The following TLR6 variants were observed in gnomAD, a reference collection of about 807,000 sequenced individuals.
TLR6 encodes toll like receptor 6.
A neutral mutation model predicts 16.1 loss-of-function variants in TLR6; 9 were observed. The observed-to-expected ratio is 0.56, with a 90% CI of 0.34 to 0.98. The LOEUF (loss-of-function observed/expected upper bound fraction) is 0.98, where lower values mean the gene tolerates loss of function less well. Among genes scored for constraint, TLR6 ranks in the 50% least tolerant of loss-of-function variants. The pLI, the probability that TLR6 is intolerant of heterozygous loss-of-function variation, is 0.02. For missense variants in TLR6, 786 were observed against 921.0 expected (o/e 0.85, Z 1.90); for synonymous variants, 340 against 338.6 (o/e 1.00, Z -0.04).
At chr4:38,838,040 C>T (rs539040721) in intron 1 of TLR6, among the ~76,000 whole-genome samples, 21 of 152,178 alleles carry the variant, frequency 1.4e-4, no homozygotes, top group Non-Finnish European at 2.2e-4. Flanking sequence ...AAAACCACAA[C>T]GAGATATCAT....
At chr4:38,848,840 G>A (rs1244544349) in intron 1 of TLR6, among the ~76,000 whole-genome samples, 1 of 152,228 alleles carries the variant, frequency 6.6e-6, no homozygotes. Flanking sequence ...ATGGAACCAT[G>A]TTGGAAAACA....
At chr4:38,827,023 G>T in exon 2 of TLR6, 1 of 1,307,324 alleles carries the variant, frequency 7.6e-7, no homozygotes, top group Non-Finnish European at 1.0e-6. Flanking sequence ...ACTTACGACT[G>T]TACTATTCAC....
Position 38,827,980 on chromosome 4 carries a change from A to C in TLR6, c.1494T>G (p.Ser498=), listed in dbSNP as rs376934355. 7.0e-5 allele frequency: 113 copies of C among 1,614,184 alleles called. No homozygotes were observed. The African/African-American group carries it at 1.4e-3, about 20-fold the overall frequency. ...CTGAATTGTGATCAATGATCAATAC[A>C]GAAAGGCTGCTAAAGCTGCCACATC... The change falls in exon 2 of 2, where the codon TCT becomes TCG. Residue 498 remains serine (S), a synonymous_variant. Transcript: ENST00000436693.
chr4:38,827,767 T>G, exon 2 of TLR6: 1 of 1,614,210 alleles, frequency 6.2e-7, no homozygotes, highest in Non-Finnish European at 8.5e-7. Flanking sequence ...TTAGTGGGCT[T>G]CCTCTATAAC....
At chr4:38,854,935 C>T (rs920457129) in intron 1 of TLR6, among the ~76,000 whole-genome samples, 4 of 152,136 alleles carry the variant, frequency 2.6e-5, no homozygotes, top group East Asian at 1.9e-4. Context: ...TATGGCCGGG[C>T]GCAGTGGCTC....
At chr4:38,835,847 A>G (rs1240134400) in intron 1 of TLR6, among the ~76,000 whole-genome samples, 1 of 152,244 alleles carries the variant, frequency 6.6e-6, no homozygotes, top group Non-Finnish European at 1.5e-5. Flanking sequence ...ATACATGGAA[A>G]TTAAACAACA....
At chr4:38,861,757 T>C (rs546005085), upstream of TLR6, among the ~76,000 whole-genome samples, 4 of 152,264 alleles carry the variant, frequency 2.6e-5, no homozygotes, top group South Asian at 8.3e-4. Flanking sequence ...TCCTCTTGTC[T>C]CTTTCACTTC....
At chr4:38,838,443 A>G (rs938621919) in intron 1 of TLR6, among the ~76,000 whole-genome samples, 3 of 152,228 alleles carry the variant, frequency 2.0e-5, no homozygotes, top group African/African-American at 7.2e-5. Flanking sequence ...TGTCATTTGC[A>G]GCAATATGGA....
chr4:38,853,957 A>G (rs1271476967), intron 1 of TLR6, among the ~76,000 whole-genome samples: 5 of 152,250 alleles, frequency 3.3e-5, no homozygotes, highest in Non-Finnish European at 7.3e-5. Context: ...ACCAAAGTAA[A>G]TATGTACCTA....
intron 1 of TLR6, among the ~76,000 whole-genome samples, chr4:38,853,173 T>C (rs1368441006): frequency 7.5e-6 from 1 of 133,184 alleles, no homozygotes; most frequent in Non-Finnish European, 1.5e-5. Context: ...AGGTGGGAAA[T>C]GAACAATGAG....
At chr4:38,829,310 T>G (rs752099908) in exon 2 of TLR6, 1 of 1,614,172 alleles carries the variant, frequency 6.2e-7, no homozygotes, top group Non-Finnish European at 8.5e-7. Context: ...ATCTAAGACT[T>G]TGGTTTTCAG....
upstream of TLR6, among the ~76,000 whole-genome samples, chr4:38,860,300 T>G (rs1713167369): frequency 6.6e-6 from 1 of 151,964 alleles, no homozygotes. Context: ...GGTGAAACCC[T>G]GTCTCTACTA....
At chr4:38,830,904 A>C (rs1011783967) in intron 1 of TLR6, among the ~76,000 whole-genome samples, 1 of 152,220 alleles carries the variant, frequency 6.6e-6, no homozygotes, top group Non-Finnish European at 1.5e-5. Context: ...CAAACCTTGC[A>C]AAAAGCAAAT....
chr4:38,859,065 C>T (rs1417648934), upstream of TLR6, among the ~76,000 whole-genome samples: 1 of 152,176 alleles, frequency 6.6e-6, no homozygotes, highest in East Asian at 1.9e-4. Context: ...ACTGTCACGT[C>T]ATCTCCACTT....
At chr4:38,827,451 C>T in exon 2 of TLR6, 1 of 1,614,228 alleles carries the variant, frequency 6.2e-7, no homozygotes, top group Non-Finnish European at 8.5e-7. Flanking sequence ...AAGTTTCTCT[C>T]ATGAAGACAA....
the TLR6 span, chr4:38,868,040 C>A: frequency 2.3e-6 from 1 of 426,002 alleles, no homozygotes; most frequent in Non-Finnish European, 4.8e-6. Flanking sequence ...GAGGGACCTG[C>A]GTGGGTGCGG....
chr4:38,843,831 A>C (rs1436180447), intron 1 of TLR6: 1 of 152,266 alleles, frequency 6.6e-6, no homozygotes, highest in African/African-American at 2.4e-5. Context: ...GGCAGGATCC[A>C]GGAGCATCTT....
the TLR6 span, among the ~76,000 whole-genome samples, chr4:38,866,799 T>A: frequency 6.6e-6 from 1 of 152,060 alleles, no homozygotes; most frequent in African/African-American, 2.4e-5. Context: ...TATGGTAGGA[T>A]CCACACACTA....
chr4:38,865,496 C>T, the TLR6 span, among the ~76,000 whole-genome samples: 1 of 152,128 alleles, frequency 6.6e-6, no homozygotes, highest in Non-Finnish European at 1.5e-5. Flanking sequence ...AAAAAGAGAA[C>T]ATCTGATTGG....
Sources: allele counts gnomAD v4.1 joint callset (sites outside exome capture counted in the v4.1 genomes callset), GRCh38; gene constraint gnomAD v4.1.1; transcripts MANE v1.5; gene names NCBI Gene and HGNC (gene_info 2026-07-23, HGNC 2026-07-21).